CDH18: variants seen among roughly 807,000 people sequenced by gnomAD.
The protein encoded by CDH18 is cadherin-18.
CDH18 carries 31 observed loss-of-function variants against 67.9 expected under a neutral mutation model. The observed-to-expected ratio is 0.46, with a 90% CI of 0.34 to 0.62. The LOEUF is 0.62. CDH18 is among the 20% of genes least tolerant of loss of function. The probability of loss-of-function intolerance (pLI) is 0.01; values close to 1 mark genes in which losing one functional copy is unlikely to be tolerated. For synonymous variants in CDH18, 362 were observed against 347.2 expected (o/e 1.04, Z -0.48); for missense variants, 890 against 975.5 (o/e 0.91, Z 1.17).
intron 5 of CDH18, among the ~76,000 whole-genome samples, chr5:19,690,408 A>G (rs906723359): frequency 1.3e-5 from 2 of 151,614 alleles, no homozygotes; most frequent in Admixed American, 1.3e-4. Context: ...ATCAAGAACT[A>G]AAAACACCCC....
intron 10 of CDH18, among the ~76,000 whole-genome samples, chr5:19,510,899 C>A (rs1322256463): frequency 4.0e-5 from 6 of 151,846 alleles, no homozygotes; most frequent in Non-Finnish European, 8.8e-5. Context: ...ACAACTTACG[C>A]CTCCTGGGTT....
At chr5:20,015,058 C>T (rs6864948) in intron 2 of CDH18, among the ~76,000 whole-genome samples, 1 of 152,108 alleles carries the variant, frequency 6.6e-6, no homozygotes, top group Non-Finnish European at 1.5e-5. Flanking sequence ...AAAGCACAGA[C>T]TCTTGTAAAG....
At position 19,980,875 on chromosome 5, in the gene CDH18, C is replaced by T. The variant is rs112417586; in HGVS notation, c.-257+185G>A. 3.1e-3 allele frequency among the ~76,000 whole-genome samples: 473 copies of T among 152,272 alleles called. 7 individuals are homozygous for T. The highest frequency in any genetic ancestry group is 9.1e-3 in the African/African-American group (380 of 41,554). ...CTTTACTTCTACTGCCTCTCTCCTT[C>T]TCCTGCCCAACTTGATTCTCCTCAA... On this transcript the variant is annotated intron_variant, in intron 2 of 12. Coordinates refer to ENST00000382275, the MANE Select transcript of CDH18 (RefSeq NM_004934.5).
At chr5:20,074,533 G>C (rs1448654171) in intron 2 of CDH18, among the ~76,000 whole-genome samples, 1 of 152,114 alleles carries the variant, frequency 6.6e-6, no homozygotes, top group African/African-American at 2.4e-5. Flanking sequence ...AAATATATCT[G>C]CCTTTAAAAT....
rs79097540 is a variant in CDH18, at chr5:19,641,787, A to G, written c.644-29186T>C. Among the ~76,000 whole-genome samples the G allele has an allele frequency of 6.3e-3, 958 of 152,126 alleles. 9 individuals carry two copies. Among genetic ancestry groups the G allele is most frequent in the African/African-American group, 0.022 (919 of 41,558 alleles). ...TAGAGCTAGGATATCCACTCTCATT[A>G]TTTCTTTTCAACTTAGTACTTGAAG... On this transcript the variant is annotated intron_variant, in intron 5 of 12. Coordinates refer to ENST00000382275, the MANE Select transcript of CDH18 (RefSeq NM_004934.5).
At chr5:19,957,521 T>A (rs113890815) in intron 2 of CDH18, among the ~76,000 whole-genome samples, 1 of 151,898 alleles carries the variant, frequency 6.6e-6, no homozygotes, top group African/African-American at 2.4e-5. Flanking sequence ...AATTAAGATG[T>A]ACATTGCAGT....
chr5:20,091,805 T>C (rs1245704683), intron 2 of CDH18, among the ~76,000 whole-genome samples: 1 of 152,044 alleles, frequency 6.6e-6, no homozygotes, highest in African/African-American at 2.4e-5. Context: ...AAAAAAACCT[T>C]AAACTTTCAA....
intron 3 of CDH18, among the ~76,000 whole-genome samples, chr5:19,837,369 G>C (rs1297818230): frequency 6.6e-6 from 1 of 151,546 alleles, no homozygotes; most frequent in Non-Finnish European, 1.5e-5. Flanking sequence ...CAACAAACCT[G>C]CATATTCTGC....
At chr5:20,293,459 GA>G (rs1464757238) in intron 1 of CDH18, among the ~76,000 whole-genome samples, 2 of 148,658 alleles carry the variant, frequency 1.3e-5, no homozygotes, top group Non-Finnish European at 2.9e-5. Flanking sequence ...AATAAAAAAA[GA>G]AAAGAAAAGA....
chr5:19,579,748 A>G (rs957541305), intron 7 of CDH18, among the ~76,000 whole-genome samples: 1 of 151,680 alleles, frequency 6.6e-6, no homozygotes, highest in Non-Finnish European at 1.5e-5. Flanking sequence ...TATTGTTTCT[A>G]CAGTTTTTAA....
intron 3 of CDH18, among the ~76,000 whole-genome samples, chr5:19,780,053 C>G (rs569589907): frequency 6.6e-6 from 1 of 152,068 alleles, no homozygotes; most frequent in Non-Finnish European, 1.5e-5. Flanking sequence ...CCTTATGTAA[C>G]CTTCTTAGCT....
chr5:19,855,488 TA>T (rs1367908911), intron 2 of CDH18, among the ~76,000 whole-genome samples: 3 of 152,298 alleles, frequency 2.0e-5, no homozygotes, highest in Middle Eastern at 3.4e-3. Flanking sequence ...CATTTTATTT[TA>T]TTTTTTTTCT....
rs539710481 is a variant in CDH18 at position 19,838,919 on chromosome 5, T to C, written c.68A>G (p.Tyr23Cys). ...GATGGAGCTGTGGTGAGCAGTTCCATAACACCTCTGCACAAAACAGAGACA... is the reference window on the plus strand; with the variant it reads ...GATGGAGCTGTGGTGAGCAGTTCCACAACACCTCTGCACAAAACAGAGACA... ...LVCLCFVQRCYGTAHHSSIKV... is the reference protein window; with the variant it reads ...LVCLCFVQRCCGTAHHSSIKV... Residue 23 changes from tyrosine to cysteine, a missense_variant, in exon 3 of 13, where the codon TAT becomes TGT. Transcript: ENST00000382275. The C allele has an allele frequency of 2.3e-5, 37 of 1,614,012 alleles. No homozygotes were observed. The highest frequency in any genetic ancestry group is 7.7e-5 in the South Asian group (7 of 91,090).
intron 9 of CDH18, among the ~76,000 whole-genome samples, chr5:19,540,906 T>C (rs191107036): frequency 6.6e-6 from 1 of 152,340 alleles, no homozygotes; most frequent in African/African-American, 2.4e-5. Context: ...GTTTAACATT[T>C]GGCTCCTTGT....
Position 19,565,777 on chromosome 5 carries a change from C to T in CDH18, c.1253+5802G>A, listed in dbSNP as rs115940217. On this transcript the variant is annotated intron_variant, in intron 8 of 12. Transcript: ENST00000382275. ...TCACACTGTGAAACTGAAGAGAGTA[C>T]GTTGGGAAAACTCTGCTGGACATTC... is the stretch of plus-strand genomic sequence containing the variant. Among the ~76,000 whole-genome samples the T allele has an allele frequency of 8.8e-3, 1,344 of 152,248 alleles. 10 individuals are homozygous for T. Among genetic ancestry groups the T allele is most frequent in the Middle Eastern group, 0.02 (6 of 294 alleles).
intron 1 of CDH18, among the ~76,000 whole-genome samples, chr5:20,329,826 C>T (rs2150023399): frequency 7.8e-6 from 1 of 128,472 alleles, no homozygotes; most frequent in Admixed American, 8.0e-5. Flanking sequence ...TGTGTACATA[C>T]TATAATGTTA....
intron 5 of CDH18, among the ~76,000 whole-genome samples, chr5:19,701,335 T>C (rs59199016): frequency 6.6e-6 from 1 of 151,912 alleles, no homozygotes; most frequent in African/African-American, 2.4e-5. Context: ...AAGATTCATA[T>C]TTCTCTGCAT....
chr5:20,490,142 G>C lies in CDH18; in HGVS notation c.-580+85320C>G, dbSNP rs1024766331. Among the ~76,000 whole-genome samples, 9 of 151,700 alleles carry C rather than the reference G, an allele frequency of 5.9e-5. No individual in the cohort carries two copies. The South Asian group carries it at 1.9e-3, about 32-fold the overall frequency. On this transcript the variant is annotated intron_variant, in intron 1 of 14. Transcript: ENST00000507958. ...CATTGCTACTCGCTAAAGAATGATA[G>C]ACCAATGGCATTTTGATAAATAATA...
At chr5:19,825,581 C>G (rs879509806) in intron 3 of CDH18, among the ~76,000 whole-genome samples, 2 of 151,960 alleles carry the variant, frequency 1.3e-5, no homozygotes, top group African/African-American at 2.4e-5. Context: ...GAACACCTAA[C>G]AAAAGAAACA....
Sources: gnomAD v4.1 joint callset for allele counts (sites outside exome capture counted in the v4.1 genomes callset) on GRCh38, gnomAD v4.1.1 for gene constraint, MANE v1.5 for transcripts, NCBI Gene and HGNC (gene_info 2026-07-23, HGNC 2026-07-21) for gene names.